CFAP92: variants seen among roughly 807,000 people sequenced by gnomAD.
CFAP92 encodes cilia and flagella associated protein 92 (putative).
A neutral mutation model predicts 106.3 loss-of-function variants in CFAP92; 86 were observed. The observed-to-expected ratio is 0.81, with a 90% CI of 0.68 to 0.97. The LOEUF is 0.97. CFAP92 is among the 50% of genes least tolerant of loss of function. The pLI is 0.00. For missense variants in CFAP92, 1,204 were observed against 1,283.8 expected, an observed-to-expected ratio of 0.94 and a Z score of 0.95; for synonymous variants, 477 against 506.4, an observed-to-expected ratio of 0.94 and a Z score of 0.78.
chr3:128,922,495 G>GA (rs1937376059), intron 12 of CFAP92, among the ~76,000 whole-genome samples: 1 of 152,230 alleles, frequency 6.6e-6, no homozygotes, highest in African/African-American at 2.4e-5. Context: ...AATCCAGCAG[G>GA]AAAGGCTGTA....
chr3:128,998,952 C>T (rs1944582685), upstream of CFAP92, among the ~76,000 whole-genome samples: 1 of 152,126 alleles, frequency 6.6e-6, no homozygotes, highest in Non-Finnish European at 1.5e-5. Context: ...TGCCCAAATA[C>T]ATAGAAAAGT....
At chr3:128,971,576 T>C in intron 7 of CFAP92, 143 bp from the exon 8 acceptor site, 1 of 690,860 alleles carries the variant, frequency 1.4e-6, no homozygotes, top group South Asian at 2.0e-5. Flanking sequence ...GACTGCCTCT[T>C]CCCAGCAACC....
chr3:128,970,426 C>T (rs1339156873), intron 8 of CFAP92: 2 of 151,900 alleles, frequency 1.3e-5, no homozygotes, highest in Admixed American at 6.6e-5. Flanking sequence ...GACCAACGCA[C>T]GCGCTTCTGC....
At chr3:128,958,900 C>CA (rs1357458371) in intron 9 of CFAP92, among the ~76,000 whole-genome samples, 2 of 151,388 alleles carry the variant, frequency 1.3e-5, no homozygotes, top group Admixed American at 1.3e-4. Flanking sequence ...GACCCTGTCT[C>CA]AAAAAAATTT....
rs766884799 is a variant in CFAP92, at chr3:128,956,977, C to CA, written c.1353+8533dup. ...CCTGGGTGACAGAGCCAGACTCTCT[C>CA]AAAAAAAAAAAAAAAAAAAAGAAAT... On this transcript the variant is annotated intron_variant, in intron 9 of 15. Coordinates refer to ENST00000645291, the MANE Select transcript of CFAP92 (RefSeq NM_001394090.1). Among the ~76,000 whole-genome samples, 42 of 28,594 alleles carry CA rather than the reference C, an allele frequency of 1.5e-3. No homozygotes were observed. The East Asian group carries it at 0.051, about 34-fold the overall frequency. The allele number at this position is 28,594 out of a possible 152,430, so 18.8% of individuals were successfully genotyped here.
intron 12 of CFAP92, among the ~76,000 whole-genome samples, chr3:128,926,716 C>T (rs894843964): frequency 6.6e-6 from 1 of 152,170 alleles, no homozygotes; most frequent in Non-Finnish European, 1.5e-5. Context: ...CCCAGCCTGG[C>T]TCTATTTGGA....
intron 9 of CFAP92, among the ~76,000 whole-genome samples, chr3:128,963,335 C>A (rs1942098767): frequency 2.0e-5 from 3 of 151,894 alleles, no homozygotes; most frequent in Non-Finnish European, 4.4e-5. Context: ...GCCTAGCCCT[C>A]ATGTCTGCGT....
chr3:129,003,826 C>T, upstream of CFAP92: 5 of 1,465,136 alleles, frequency 3.4e-6, no homozygotes, highest in Non-Finnish European at 4.5e-6. Context: ...CGAGCACCCA[C>T]GAGATGGGGC....
At chr3:129,022,913 C>T in the CFAP92 span, among the ~76,000 whole-genome samples, 5 of 152,290 alleles carry the variant, frequency 3.3e-5, no homozygotes, top group Admixed American at 1.3e-4. Flanking sequence ...TTTCCAGCAC[C>T]GGTTCCCAAG....
chr3:128,913,290 T>G (rs1231990732), intron 15 of CFAP92, among the ~76,000 whole-genome samples: 1 of 152,206 alleles, frequency 6.6e-6, no homozygotes, highest in African/African-American at 2.4e-5. Flanking sequence ...CTTGGGGTTA[T>G]GAGCCCTTAG....
chr3:129,004,927 C>T (rs1945003342), upstream of CFAP92, among the ~76,000 whole-genome samples: 1 of 152,182 alleles, frequency 6.6e-6, no homozygotes, highest in Admixed American at 6.5e-5. Flanking sequence ...ACAGACCCTG[C>T]TTCCTCTTGG....
Position 128,945,212 on chromosome 3 carries a change from T to C in CFAP92, c.2117A>G (p.Lys706Arg). Residue 706 changes from lysine (K) to arginine (R), a missense_variant, in exon 10 of 16, where the codon AAG becomes AGG. Physicochemically the swap from Lys to Arg is conservative, Grantham distance 26. Transcript: ENST00000645291. ...CTGCTCCTGGACCCGCACACGCACC[T>C]TGAAGGCTGACAGGATCTGCTGCAG... is the stretch of plus-strand genomic sequence containing the variant. ...RTLQQILSAF[K>R]VRVRVQEQQH... The C allele has an allele frequency of 6.5e-7, 1 of 1,536,146 alleles. No homozygotes were observed. Among genetic ancestry groups the C allele is most frequent in the Non-Finnish European group, 8.7e-7 (1 of 1,146,920 alleles).
chr3:129,002,678 C>T (rs995945225), exon 1 of CFAP92: 5 of 290,838 alleles, frequency 1.7e-5, no homozygotes, highest in Non-Finnish European at 3.2e-5. Context: ...AAGCATCTTT[C>T]TCTCTCCTTC....
At chr3:128,927,536 A>G (rs1327635786) in intron 12 of CFAP92, among the ~76,000 whole-genome samples, 1 of 151,964 alleles carries the variant, frequency 6.6e-6, no homozygotes, top group Non-Finnish European at 1.5e-5. Flanking sequence ...CCTGGCTAAC[A>G]TGGTGAAACC....
chr3:128,984,137 A>C (rs1943702585), intron 4 of CFAP92, among the ~76,000 whole-genome samples: 1 of 152,214 alleles, frequency 6.6e-6, no homozygotes, highest in South Asian at 2.1e-4. Flanking sequence ...TTTGAAAAGA[A>C]TGCTGTCTTC....
chr3:128,945,546 G>C lies in CFAP92; in HGVS notation c.1783C>G (p.His595Asp). The C allele has an allele frequency of 6.5e-7, 1 of 1,536,178 alleles. No homozygotes were observed. Among genetic ancestry groups the C allele is most frequent in the South Asian group, 1.2e-5 (1 of 84,064 alleles). The stretch of plus-strand genomic sequence containing the variant: ...CTTCTCCTGCTGTCCTGGCCGCAGT[G>C]TGTGGGCTGAACCTCACAGCTGTGG... Reference protein sequence around the residue: ...PIHSCEVQPTHCGQDSRRRKV... With the variant: ...PIHSCEVQPTDCGQDSRRRKV... The change falls in exon 10 of 16, where the codon CAC becomes GAC. Residue 595 changes from histidine to aspartate, a missense_variant. Coordinates refer to ENST00000645291, the MANE Select transcript of CFAP92 (RefSeq NM_001394090.1).
upstream of CFAP92, among the ~76,000 whole-genome samples, chr3:128,997,019 C>CT (rs1944505383): frequency 6.6e-6 from 1 of 152,252 alleles, no homozygotes; most frequent in Non-Finnish European, 1.5e-5. Flanking sequence ...CCATGTCACT[C>CT]TGCTACATGC....
intron 15 of CFAP92, chr3:128,910,612 G>A: frequency 2.0e-6 from 2 of 1,004,812 alleles, no homozygotes; most frequent in Non-Finnish European, 3.2e-6. Context: ...CCCAAGACGG[G>A]GTGACTCCTG....
rs760752471 is a variant in CFAP92, at chr3:128,993,152, C to G, written c.153G>C (p.Pro51=). The change falls in exon 2 of 16, where the codon CCG becomes CCC. Residue 51 remains proline (P), a synonymous_variant. Transcript: ENST00000645291. ...ARAQESDSDR[P]CSSIESSSEP... ...CAGATGAGGACTCGATGCTGCTGCA[C>G]GGGCGGTCAGAGTCAGACTCCTGGG... 6.2e-7 allele frequency: 1 copy of G among 1,613,966 alleles called. No homozygotes were observed. The highest frequency in any genetic ancestry group is 1.7e-5 in the Admixed American group (1 of 60,014).
Sources: gnomAD v4.1 joint callset for allele counts (sites outside exome capture counted in the v4.1 genomes callset) on GRCh38, gnomAD v4.1.1 for gene constraint, MANE v1.5 for transcripts, NCBI Gene and HGNC (gene_info 2026-07-23, HGNC 2026-07-21) for gene names.